CFAP47: variants seen among roughly 807,000 people sequenced by gnomAD.
CFAP47 encodes cilia- and flagella-associated protein 47.
A neutral mutation model predicts 148.1 loss-of-function variants in CFAP47; 29 were observed. The observed-to-expected ratio is 0.20, with a 90% CI of 0.15 to 0.27. The LOEUF (loss-of-function observed/expected upper bound fraction) is 0.27. Ranked by LOEUF, CFAP47 falls within the 10% of genes least tolerant of loss-of-function variation. CFAP47 has a pLI of 1.00. For missense variants in CFAP47, 1,872 were observed against 1,697.5 expected, an observed-to-expected ratio of 1.10 and a Z score of -1.81; for synonymous variants, 664 against 577.3, an observed-to-expected ratio of 1.15 and a Z score of -2.15.
intron 35 of CFAP47, chrX:36,144,709 C>T: frequency 7.8e-6 from 8 of 1,025,267 alleles, no homozygotes; most frequent in Non-Finnish European, 1.0e-5. Context: ...ATTCAGTTTG[C>T]TTGTTTTTTT....
At chrX:36,035,582 T>G (rs190332873) in intron 23 of CFAP47, 113 bp from the exon 24 acceptor site, 1 of 282,467 alleles carries the variant, frequency 3.5e-6, no homozygotes, top group African/African-American at 2.7e-5. Flanking sequence ...TTATCTATGA[T>G]TAATCATTTG....
chrX:36,298,958 A>T lies in CFAP47; in HGVS notation c.7687-19A>T. The T allele has an allele frequency of 9.3e-7, 1 of 1,074,933 alleles. No homozygotes were observed. Among genetic ancestry groups the T allele is most frequent in the Admixed American group, 2.7e-5 (1 of 37,625 alleles). 88.6% of individuals were successfully genotyped at this position (1,074,933 alleles called of 1,213,427 possible). A position where few individuals can be genotyped will look rare whatever the true frequency, so the allele number is the denominator to read the frequency against. ...TGCTGACACTAAAAGTTGATTACAT[A>T]TTTGTTGTATAATTCTAGGACAGCA... On this transcript the variant is annotated intron_variant, in intron 51 of 63. Transcript: ENST00000378653.
At chrX:36,037,888 T>A (rs1296011834) in intron 24 of CFAP47, among the ~76,000 whole-genome samples, 2 of 111,918 alleles carry the variant, frequency 1.8e-5, no homozygotes, top group Non-Finnish European at 3.8e-5. Context: ...TATAGCTTAT[T>A]TTATCAGCTC....
At chrX:36,107,617 A>G (rs1938486689) in intron 33 of CFAP47, among the ~76,000 whole-genome samples, 4 of 112,077 alleles carry the variant, frequency 3.6e-5, no homozygotes, top group Non-Finnish European at 7.5e-5. Context: ...CAAATATTAT[A>G]CTTTTTCCCT....
intron 18 of CFAP47, among the ~76,000 whole-genome samples, chrX:35,996,866 C>G (rs746036421): frequency 9.0e-6 from 1 of 111,229 alleles, no homozygotes; most frequent in East Asian, 2.8e-4. Flanking sequence ...TGTACTTGAC[C>G]CATATACACA....
At chrX:36,288,056 C>T (rs1183234665) in intron 51 of CFAP47, among the ~76,000 whole-genome samples, 1 of 111,798 alleles carries the variant, frequency 8.9e-6, no homozygotes, top group Non-Finnish European at 1.9e-5. Flanking sequence ...GATACTAAGC[C>T]ATCTCTTATT....
At chrX:35,941,431 T>G in intron 3 of CFAP47, 33 bp downstream of exon 3, 1 of 753,176 alleles carries the variant, frequency 1.3e-6, no homozygotes, top group Non-Finnish European at 1.9e-6. Context: ...ACTTACACTT[T>G]TAGAAGAGTT....
intron 49 of CFAP47, among the ~76,000 whole-genome samples, chrX:36,253,719 A>C (rs1397474016): frequency 8.9e-6 from 1 of 112,144 alleles, no homozygotes. Context: ...CATTCAACTA[A>C]TTATGCTTTG....
At chrX:36,271,897 G>A (rs1556001921) in intron 49 of CFAP47, among the ~76,000 whole-genome samples, 1 of 111,869 alleles carries the variant, frequency 8.9e-6, no homozygotes, top group East Asian at 2.8e-4. Context: ...CTCATTTTAA[G>A]AATGTACAAG....
intron 62 of CFAP47, among the ~76,000 whole-genome samples, chrX:36,375,580 A>G (rs1203190351): frequency 1.8e-5 from 2 of 112,392 alleles, no homozygotes; most frequent in Admixed American, 1.9e-4. Context: ...GTTTACTGAT[A>G]TCTAATCTGG....
chrX:36,126,577 A>C lies in CFAP47; in HGVS notation c.5321-11381A>C, dbSNP rs746869682. ...AACATACATGTGCATGTGTCTTTAT[A>C]GTAGAATGATTTATAATCCTTTGGG... is the stretch of plus-strand genomic sequence containing the variant. On this transcript the variant is annotated intron_variant, in intron 33 of 63. Coordinates refer to ENST00000378653, the MANE Select transcript of CFAP47 (RefSeq NM_001304548.2). Among the ~76,000 whole-genome samples the C allele has an allele frequency of 4.4e-3, 494 of 112,083 alleles. 2 individuals carry two copies. The highest frequency in any genetic ancestry group is 0.015 in the African/African-American group (472 of 30,792).
chrX:36,306,874 C>G lies in CFAP47; in HGVS notation c.8185C>G (p.Gln2729Glu). The G allele has an allele frequency of 9.4e-7, 1 of 1,059,817 alleles. No individual in the cohort carries two copies. The highest frequency in any genetic ancestry group is 1.3e-6 in the Non-Finnish European group (1 of 788,549). The allele number at this position is 1,059,817 out of a possible 1,213,427, so 87.3% of individuals were successfully genotyped here. Reference protein sequence around the residue: ...HQACINFYCTQFTEWKFYLSG... With the variant: ...HQACINFYCTEFTEWKFYLSG... Reference sequence around the variant, plus strand: ...AGCTTGCATCAACTTCTACTGTACTCAGGTATGATAGAGTATTCTTGGACC... The same window carrying G: ...AGCTTGCATCAACTTCTACTGTACTGAGGTATGATAGAGTATTCTTGGACC... The change falls in exon 55 of 64, where the codon CAG becomes GAG. Residue 2729 changes from glutamine (Q) to glutamate (E), a missense_variant and splice_region_variant. Coordinates refer to ENST00000378653, the MANE Select transcript of CFAP47 (RefSeq NM_001304548.2).
In CFAP47 at chrX:36,320,051, C is replaced by G. The variant is rs1941466268; in HGVS notation, c.8443+744C>G. Among the ~76,000 whole-genome samples the G allele has an allele frequency of 3.6e-5, 4 of 111,140 alleles. No individual in the cohort carries two copies. The South Asian group carries it at 1.5e-3, about 42-fold the overall frequency. ...ATATTGGTCAGGCTAGTCTCGAACTCCTGACCTCAGGTGATCCACCTGCCT... is the reference window on the plus strand; with the variant it reads ...ATATTGGTCAGGCTAGTCTCGAACTGCTGACCTCAGGTGATCCACCTGCCT... On this transcript the variant is annotated intron_variant, in intron 57 of 63. Transcript: ENST00000378653.
Position 36,348,098 on chromosome X carries a change from A to G in CFAP47, c.8444-31A>G, listed in dbSNP as rs1330186165. The G allele has an allele frequency of 7.1e-6, 6 of 840,140 alleles. No homozygotes were observed. In the Admixed American group the frequency reaches 3.4e-4, roughly 47 times the overall value. 69.2% of individuals were successfully genotyped at this position (840,140 alleles called of 1,213,427 possible). A position where few individuals can be genotyped will look rare whatever the true frequency, so the allele number is the denominator to read the frequency against. On this transcript the variant is annotated intron_variant, in intron 57 of 63. Transcript: ENST00000378653. ...AAATTATAGTCTGTTAATATTTACC[A>G]TATTAAAAATTATTTTTGTGTGTTT...
intron 39 of CFAP47, among the ~76,000 whole-genome samples, chrX:36,173,716 C>T (rs1939622501): frequency 9.0e-6 from 1 of 111,481 alleles, no homozygotes; most frequent in African/African-American, 3.3e-5. Context: ...AGCTTTACTT[C>T]CAAGTATGTC....
intron 57 of CFAP47, among the ~76,000 whole-genome samples, chrX:36,343,591 A>G (rs781923961): frequency 1.8e-5 from 2 of 112,022 alleles, no homozygotes; most frequent in African/African-American, 6.5e-5. Context: ...GTATATACCC[A>G]AATGATTATA....
At chrX:36,018,827 T>C (rs1396366266) in intron 22 of CFAP47, among the ~76,000 whole-genome samples, 1 of 109,916 alleles carries the variant, frequency 9.1e-6, no homozygotes, top group Non-Finnish European at 1.9e-5. Flanking sequence ...AAATGCGTCA[T>C]TGTCTGGTTT....
In CFAP47 at chrX:35,996,902, A is replaced by T. The variant is rs1386171255; in HGVS notation, c.3100-410A>T. The stretch of plus-strand genomic sequence containing the variant: ...GCAATTTTTAGTTAGTCTCATTACT[A>T]TTATGGTTGTTGTGCATATTTGTAT... On this transcript the variant is annotated intron_variant, in intron 18 of 63. Coordinates refer to ENST00000378653, the MANE Select transcript of CFAP47 (RefSeq NM_001304548.2). Among the ~76,000 whole-genome samples, 19 of 111,985 alleles carry T rather than the reference A, an allele frequency of 1.7e-4. No homozygotes were observed. The Admixed American group carries it at 1.8e-3, about 11-fold the overall frequency.
At chrX:36,022,578 G>C (rs1468857572) in intron 22 of CFAP47, among the ~76,000 whole-genome samples, 1 of 111,424 alleles carries the variant, frequency 9.0e-6, no homozygotes, top group Admixed American at 9.6e-5. Flanking sequence ...GTCTCTGTCT[G>C]TTGCCTCTTT....
Sources: gnomAD v4.1 joint callset for allele counts (sites outside exome capture counted in the v4.1 genomes callset) on GRCh38, gnomAD v4.1.1 for gene constraint, MANE v1.5 for transcripts, NCBI Gene and HGNC (gene_info 2026-07-23, HGNC 2026-07-21) for gene names.